FHIT: variants seen among roughly 807,000 people sequenced by gnomAD.
The protein encoded by FHIT is bis(5'-adenosyl)-triphosphatase.
Under a neutral mutation model 17.9 loss-of-function variants are expected in FHIT, and 19 were observed. That is an observed-to-expected ratio of 1.06 (90% CI 0.74 to 1.56). The LOEUF is 1.56. Among genes scored for constraint, FHIT ranks in the 40% most tolerant of loss-of-function variants. FHIT has a pLI of 0.00. For missense variants in FHIT, 248 were observed against 189.2 expected, an observed-to-expected ratio of 1.31 and a Z score of -1.82; for synonymous variants, 81 against 69.7, an observed-to-expected ratio of 1.16 and a Z score of -0.81.
At chr3:60,862,422 C>T (rs1553752888) in intron 3 of FHIT, among the ~76,000 whole-genome samples, 2 of 152,216 alleles carry the variant, frequency 1.3e-5, no homozygotes, top group African/African-American at 4.8e-5. Context: ...CTTGCCTAGG[C>T]CTCCCAAAGT....
At chr3:60,882,860 G>C (rs965290785) in intron 3 of FHIT, among the ~76,000 whole-genome samples, 3 of 152,062 alleles carry the variant, frequency 2.0e-5, no homozygotes, top group Non-Finnish European at 4.4e-5. Flanking sequence ...GGAAGTCCTA[G>C]CCAGAGCAAT....
chr3:59,863,028 T>G (rs182968417), intron 8 of FHIT, among the ~76,000 whole-genome samples: 56 of 152,302 alleles, frequency 3.7e-4, no homozygotes, highest in African/African-American at 1.3e-3. Flanking sequence ...GTAATAGTAT[T>G]TAAAGATGGA....
intron 7 of FHIT, among the ~76,000 whole-genome samples, chr3:59,985,276 C>A (rs147316726): frequency 1.3e-5 from 2 of 152,050 alleles, no homozygotes; most frequent in South Asian, 4.2e-4. Flanking sequence ...CAGAATGCTC[C>A]GCCTTCCAAA....
chr3:60,696,614 G>A (rs1489505682), intron 4 of FHIT, among the ~76,000 whole-genome samples: 1 of 152,088 alleles, frequency 6.6e-6, no homozygotes, highest in Non-Finnish European at 1.5e-5. Flanking sequence ...AGCAGAACAC[G>A]GTGCCATCCA....
At chr3:60,370,072 C>T (rs929933286) in intron 5 of FHIT, among the ~76,000 whole-genome samples, 1 of 152,160 alleles carries the variant, frequency 6.6e-6, no homozygotes, top group Non-Finnish European at 1.5e-5. Flanking sequence ...CTGCCTATGT[C>T]CGAGAGCTTT....
At chr3:60,049,475 C>G (rs1186168573) in intron 5 of FHIT, among the ~76,000 whole-genome samples, 1 of 151,784 alleles carries the variant, frequency 6.6e-6, no homozygotes, top group Admixed American at 6.6e-5. Context: ...TTCAGTTGTA[C>G]ATTTTATAAA....
At chr3:60,672,980 C>T (rs1056963112) in intron 4 of FHIT, among the ~76,000 whole-genome samples, 1 of 150,566 alleles carries the variant, frequency 6.6e-6, no homozygotes, top group African/African-American at 2.4e-5. Flanking sequence ...ATTATACTAT[C>T]TCATGTAAAA....
intron 5 of FHIT, among the ~76,000 whole-genome samples, chr3:60,038,240 A>G (rs1219730437): frequency 6.6e-6 from 1 of 152,190 alleles, no homozygotes; most frequent in East Asian, 1.9e-4. Flanking sequence ...TATGTGCTAT[A>G]GTTATTGATC....
chr3:60,663,168 A>ATATATATATAT (rs1553691642), intron 4 of FHIT, among the ~76,000 whole-genome samples: 3 of 139,534 alleles, frequency 2.2e-5, no homozygotes, highest in African/African-American at 8.0e-5. Context: ...ATATCTCTTT[A>ATATATATATAT]ATGTTGGGTT....
intron 3 of FHIT, among the ~76,000 whole-genome samples, chr3:60,942,980 A>T (rs1553774918): frequency 6.6e-6 from 1 of 152,132 alleles, no homozygotes; most frequent in African/African-American, 2.4e-5. Context: ...GAAAAGTATC[A>T]GTTTCTAATC....
intron 5 of FHIT, among the ~76,000 whole-genome samples, chr3:60,156,306 T>C (rs1011023064): frequency 8.0e-5 from 12 of 150,146 alleles, no homozygotes; most frequent in South Asian, 2.1e-4. Context: ...GCCGAGATTG[T>C]GCCACTGCAC....
chr3:60,554,749 C>A lies in FHIT; in HGVS notation c.-17-17770G>T, dbSNP rs147136519. ...TTATATTTTGAACATTTACATTGAA[C>A]AAATTAAAGTTCCCAACATAAGTGA... On this transcript the variant is annotated intron_variant, in intron 4 of 9. Coordinates refer to ENST00000492590, the MANE Select transcript of FHIT (RefSeq NM_002012.4). Among the ~76,000 whole-genome samples, 42 of 152,236 alleles carry A rather than the reference C, an allele frequency of 2.8e-4. No individual in the cohort carries two copies. The East Asian group carries it at 5.4e-3, about 20-fold the overall frequency.
At chr3:59,881,355 T>G (rs1321928983) in intron 8 of FHIT, among the ~76,000 whole-genome samples, 1 of 152,188 alleles carries the variant, frequency 6.6e-6, no homozygotes, top group Non-Finnish European at 1.5e-5. Flanking sequence ...TGATTAGAAT[T>G]TGTGAATAAA....
intron 3 of FHIT, among the ~76,000 whole-genome samples, chr3:61,009,559 T>A (rs939735116): frequency 5.3e-5 from 8 of 152,166 alleles, no homozygotes; most frequent in African/African-American, 1.9e-4. Context: ...ATATAGATAC[T>A]ACATAATAAT....
At chr3:60,486,951 T>G (rs2107490562) in intron 5 of FHIT, among the ~76,000 whole-genome samples, 1 of 152,260 alleles carries the variant, frequency 6.6e-6, no homozygotes, top group Non-Finnish European at 1.5e-5. Flanking sequence ...GAGTGACTGT[T>G]TAGACACTGT....
At chr3:60,713,287 G>A (rs1255988523) in intron 4 of FHIT, among the ~76,000 whole-genome samples, 13 of 150,656 alleles carry the variant, frequency 8.6e-5, no homozygotes, top group African/African-American at 2.7e-4. Flanking sequence ...AGTGTGTAGA[G>A]GGAAATTTAT....
chr3:60,226,728 A>G (rs13316429), intron 5 of FHIT, among the ~76,000 whole-genome samples: 5,584 of 152,182 alleles, frequency 0.037, 307 homozygotes, highest in African/African-American at 0.12. Flanking sequence ...GGTCACATGG[A>G]TGTGTCTAGG....
At chr3:60,829,411 T>G (rs1553741865) in intron 3 of FHIT, among the ~76,000 whole-genome samples, 3 of 152,180 alleles carry the variant, frequency 2.0e-5, no homozygotes, top group Non-Finnish European at 2.9e-5. Flanking sequence ...TACAACCAAA[T>G]TTAGTTTATT....
intron 5 of FHIT, among the ~76,000 whole-genome samples, chr3:60,532,853 A>G (rs2035837197): frequency 6.6e-6 from 1 of 152,204 alleles, no homozygotes; most frequent in Admixed American, 6.5e-5. Context: ...ATAAGAAATA[A>G]GTGTTGGTGA....
Sources: allele counts gnomAD v4.1 joint callset (sites outside exome capture counted in the v4.1 genomes callset), GRCh38; gene constraint gnomAD v4.1.1; transcripts MANE v1.5; gene names NCBI Gene and HGNC (gene_info 2026-07-23, HGNC 2026-07-21).